NAALADL2: variants seen among roughly 807,000 people sequenced by gnomAD.
NAALADL2 encodes inactive N-acetylated-alpha-linked acidic dipeptidase-like protein 2.
In NAALADL2, 76 loss-of-function variants were observed where a neutral mutation model predicts 87.2. That is an observed-to-expected ratio of 0.87 (90% CI 0.72 to 1.05). The LOEUF (loss-of-function observed/expected upper bound fraction) is 1.05, where lower values mean the gene tolerates loss of function less well. NAALADL2 is among the 50% of genes least tolerant of loss of function. The pLI is 0.00. For synonymous variants in NAALADL2, 354 were observed against 331.0 expected (o/e 1.07, Z -0.75); for missense variants, 1,089 against 945.8 (o/e 1.15, Z -1.99).
intron 1 of NAALADL2, among the ~76,000 whole-genome samples, chr3:175,081,736 C>T (rs1489934769): frequency 2.6e-5 from 4 of 152,102 alleles, no homozygotes; most frequent in Admixed American, 6.5e-5. Context: ...GATTTCTTAA[C>T]GATAGACCCC....
intron 1 of NAALADL2, among the ~76,000 whole-genome samples, chr3:174,526,678 C>CTT (rs11333906): frequency 2.2e-5 from 3 of 138,318 alleles, no homozygotes; most frequent in Non-Finnish European, 3.1e-5. Flanking sequence ...TTTTCTTTTT[C>CTT]TTTTTTTTTT....
At chr3:175,638,543 G>C (rs993638389) in intron 11 of NAALADL2, among the ~76,000 whole-genome samples, 3 of 151,928 alleles carry the variant, frequency 2.0e-5, no homozygotes, top group African/African-American at 7.2e-5. Context: ...CCTAGACCTT[G>C]TGTCTTAAGT....
intron 1 of NAALADL2, among the ~76,000 whole-genome samples, chr3:174,518,311 G>C (rs931898369): frequency 6.6e-6 from 1 of 152,150 alleles, no homozygotes; most frequent in Non-Finnish European, 1.5e-5. Flanking sequence ...ATCATTTAAC[G>C]ATTTGTCTTT....
chr3:174,979,338 C>A (rs1447079887), intron 1 of NAALADL2, among the ~76,000 whole-genome samples: 1 of 131,692 alleles, frequency 7.6e-6, no homozygotes, highest in African/African-American at 3.1e-5. Context: ...CGGAGTCTCG[C>A]TCTGTTGCCC....
chr3:174,741,163 T>A (rs1733723435), intron 3 of NAALADL2, among the ~76,000 whole-genome samples: 1 of 151,722 alleles, frequency 6.6e-6, no homozygotes, highest in African/African-American at 2.4e-5. Flanking sequence ...CTAAGTCTTA[T>A]CCAAATACAG....
At chr3:175,678,787 T>C (rs1735189551) in intron 11 of NAALADL2, among the ~76,000 whole-genome samples, 2 of 152,122 alleles carry the variant, frequency 1.3e-5, no homozygotes, top group Admixed American at 1.3e-4. Flanking sequence ...GATGAGTTAA[T>C]GGGTGCAGCA....
chr3:174,829,712 A>G (rs1180663125), intron 3 of NAALADL2, among the ~76,000 whole-genome samples: 10 of 143,180 alleles, frequency 7.0e-5, no homozygotes, highest in Admixed American at 6.9e-4. Flanking sequence ...CAATGGTTGA[A>G]CTAGTTTACA....
chr3:175,184,520 G>A lies in NAALADL2; in HGVS notation c.546-49411G>A, dbSNP rs13062437. ...CTCTTTCCTTCTCCGGAAGTACTGA[G>A]GGGTACTGAAATTTCGCCACCAAGA... On this transcript the variant is annotated intron_variant, in intron 2 of 13. Coordinates refer to ENST00000454872, the MANE Select transcript of NAALADL2 (RefSeq NM_207015.3). Among the ~76,000 whole-genome samples the A allele has an allele frequency of 5.1e-3, 773 of 151,744 alleles. 2 individuals carry two copies. Among genetic ancestry groups the A allele is most frequent in the South Asian group, 0.023 (111 of 4,778 alleles).
At chr3:175,091,042 A>G (rs1720024787) in intron 1 of NAALADL2, among the ~76,000 whole-genome samples, 1 of 152,138 alleles carries the variant, frequency 6.6e-6, no homozygotes, top group Non-Finnish European at 1.5e-5. Context: ...CTATTTTTAT[A>G]GTTTTATTTT....
At chr3:175,198,939 C>G (rs1481657484) in intron 2 of NAALADL2, among the ~76,000 whole-genome samples, 1 of 152,062 alleles carries the variant, frequency 6.6e-6, no homozygotes, top group Non-Finnish European at 1.5e-5. Flanking sequence ...GACCTATTTG[C>G]TGTTTTCATC....
intron 4 of NAALADL2, among the ~76,000 whole-genome samples, chr3:175,276,034 C>A (rs1753542213): frequency 4.0e-5 from 6 of 150,582 alleles, no homozygotes; most frequent in Admixed American, 4.0e-4. Flanking sequence ...AAACTATAGC[C>A]ACATGAAAAA....
chr3:175,607,436 T>C (rs1463062792), intron 10 of NAALADL2, among the ~76,000 whole-genome samples: 3 of 152,172 alleles, frequency 2.0e-5, no homozygotes, highest in East Asian at 3.9e-4. Context: ...AACTCATAAT[T>C]TGAGACAGAA....
rs540562384 is a variant in NAALADL2, at chr3:175,244,699, A to G, written c.819+10495A>G. 3.3e-5 allele frequency among the ~76,000 whole-genome samples: 5 copies of G among 152,294 alleles called. No homozygotes were observed. The South Asian group carries it at 6.2e-4, about 19-fold the overall frequency. On this transcript the variant is annotated intron_variant, in intron 3 of 13. Transcript: ENST00000454872. ...ACAGTTCCTCATTCCTTCAAGGACT[A>G]TGTACTTACTGCCGTCTAAAAAGTT...
At chr3:174,640,763 A>G (rs1723094887) in intron 2 of NAALADL2, among the ~76,000 whole-genome samples, 1 of 152,210 alleles carries the variant, frequency 6.6e-6, no homozygotes, top group African/African-American at 2.4e-5. Context: ...AGGCATAAAA[A>G]AGGCAATTGC....
At chr3:174,823,145 T>C (rs1263151493) in intron 3 of NAALADL2, among the ~76,000 whole-genome samples, 2 of 152,238 alleles carry the variant, frequency 1.3e-5, no homozygotes, top group Admixed American at 6.5e-5. Flanking sequence ...GTAGGTATGA[T>C]TTAAAACCAG....
intron 9 of NAALADL2, among the ~76,000 whole-genome samples, chr3:175,575,473 C>T (rs1324202693): frequency 1.3e-5 from 2 of 151,822 alleles, no homozygotes; most frequent in Non-Finnish European, 1.5e-5. Flanking sequence ...TTAGTAGGGA[C>T]GAGCTTTCAC....
intron 1 of NAALADL2, among the ~76,000 whole-genome samples, chr3:175,032,873 A>G (rs1252095880): frequency 6.6e-6 from 1 of 151,866 alleles, no homozygotes; most frequent in East Asian, 1.9e-4. Context: ...ATTTTTTCCA[A>G]TCACTGCTTT....
upstream of NAALADL2, among the ~76,000 whole-genome samples, chr3:174,855,775 T>TACAC (rs10576439): frequency 0.011 from 1,431 of 135,622 alleles, 21 homozygotes; most frequent in African/African-American, 0.022. Flanking sequence ...AGGAGAGAAA[T>TACAC]ACACACACAC....
intron 11 of NAALADL2, among the ~76,000 whole-genome samples, chr3:175,648,351 A>G (rs1730295417): frequency 6.6e-6 from 1 of 151,868 alleles, no homozygotes. Context: ...TATATTGTAT[A>G]TAAAATTTAT....
Sources: allele counts gnomAD v4.1 joint callset (sites outside exome capture counted in the v4.1 genomes callset), GRCh38; gene constraint gnomAD v4.1.1; transcripts MANE v1.5; gene names NCBI Gene and HGNC (gene_info 2026-07-23, HGNC 2026-07-21).